The following SLC4A7 variants were observed in gnomAD, a reference collection of about 807,000 sequenced individuals.
SLC4A7 encodes solute carrier family 4 member 7, also known as sodium bicarbonate cotransporter 3.
A neutral mutation model predicts 137.6 loss-of-function variants in SLC4A7; 51 were observed. The observed-to-expected ratio is 0.37, with a 90% CI of 0.30 to 0.47. SLC4A7 has a LOEUF of 0.47. Ranked by LOEUF, SLC4A7 falls within the 20% of genes least tolerant of loss-of-function variation. The probability of loss-of-function intolerance (pLI) is 1.00; values close to 1 mark genes in which losing one functional copy is unlikely to be tolerated. For synonymous variants in SLC4A7, 542 were observed against 518.6 expected, an observed-to-expected ratio of 1.05 and a Z score of -0.61; for missense variants, 1,247 against 1,525.4, an observed-to-expected ratio of 0.82 and a Z score of 3.04.
intron 8 of SLC4A7, chr3:27,422,908 G>A (rs994567672): frequency 2.4e-6 from 1 of 414,922 alleles, no homozygotes; most frequent in Admixed American, 2.7e-5. Context: ...GACTGTGACA[G>A]AGGAACAAAA....
chr3:27,415,999 G>T (rs1012380341), intron 11 of SLC4A7, among the ~76,000 whole-genome samples: 5 of 152,172 alleles, frequency 3.3e-5, no homozygotes, highest in Non-Finnish European at 5.9e-5. Context: ...TACATACCAA[G>T]AATTCAACTT....
At chr3:27,402,056 A>C (rs1220388377) in intron 15 of SLC4A7, among the ~76,000 whole-genome samples, 1 of 152,216 alleles carries the variant, frequency 6.6e-6, no homozygotes, top group Non-Finnish European at 1.5e-5. Flanking sequence ...ACGAATGAAC[A>C]AAAGAGGGAA....
At chr3:27,391,534 T>C (rs1418029990) in intron 21 of SLC4A7, among the ~76,000 whole-genome samples, 1 of 152,208 alleles carries the variant, frequency 6.6e-6, no homozygotes, top group Non-Finnish European at 1.5e-5. Flanking sequence ...GTAAGGACCA[T>C]GTCAGCTCAT....
Position 27,448,672 on chromosome 3 carries a change from C to T in SLC4A7, c.268G>A (p.Gly90Arg). 1 of 1,612,080 alleles carries T rather than the reference C, an allele frequency of 6.2e-7. No homozygotes were observed. Among genetic ancestry groups the T allele is most frequent in the Non-Finnish European group, 8.5e-7 (1 of 1,179,030 alleles). Reference sequence around the variant, plus strand: ...TTACCATAAGAAGGAGATTCCCGTCCATCTTCTTTATCTGATTCTTTATCT... The same window carrying T: ...TTACCATAAGAAGGAGATTCCCGTCTATCTTCTTTATCTGATTCTTTATCT... ...RKDKESDKED[G>R]RESPSYDTPS... The change falls in exon 3 of 26, where the codon GGA (glycine) becomes AGA (arginine). Residue 90 changes from glycine (G) to arginine (R), a missense_variant. Transcript: ENST00000454389.
rs542726793 is a variant in SLC4A7, at chr3:27,438,603, CATAAA to C, written c.290-1082_290-1078del. On this transcript the variant is annotated intron_variant, in intron 3 of 25. Coordinates refer to ENST00000454389, the MANE Select transcript of SLC4A7 (RefSeq NM_001321103.2). ...AATAACATAAAATAAAATAACATAA[CATAAA>C]ATAAAATAACAAAATAACATAACAT... 2.9e-3 allele frequency among the ~76,000 whole-genome samples: 409 copies of C among 140,796 alleles called. 5 individuals are homozygous for C. Among genetic ancestry groups the C allele is most frequent in the Non-Finnish European group, 3.8e-3 (243 of 63,352 alleles). 92.4% of individuals were successfully genotyped at this position (140,796 alleles called of 152,430 possible). A position where few individuals can be genotyped will look rare whatever the true frequency, so the allele number is the denominator to read the frequency against.
At position 27,431,399 on chromosome 3, in the gene SLC4A7, T is replaced by C. The variant is rs1320380823; in HGVS notation, c.1049A>G (p.Asp350Gly). The change falls in exon 7 of 26, where the codon GAT becomes GGT. Residue 350 changes from aspartate to glycine, a missense_variant. Physicochemically the swap from Asp to Gly is moderately conservative, Grantham distance 94. Coordinates refer to ENST00000454389, the MANE Select transcript of SLC4A7 (RefSeq NM_001321103.2). ...APELLVSPAS[D>G]DIPTVVIHPP... ...ATGAATTACTACTGTGGGAATATCA[T>C]CACTGGCAGGTGAAACCAGTAGTTC... 2.5e-6 allele frequency: 4 copies of C among 1,614,096 alleles called. No homozygotes were observed. The highest frequency in any genetic ancestry group is 1.6e-4 in the Middle Eastern group (1 of 6,062).
chr3:27,391,444 A>G (rs1311596965), intron 21 of SLC4A7, among the ~76,000 whole-genome samples: 1 of 152,184 alleles, frequency 6.6e-6, no homozygotes, highest in African/African-American at 2.4e-5. Flanking sequence ...TTTTTTCAAT[A>G]CAATCCTTTT....
chr3:27,452,318 AAACTC>A (rs2058127980), intron 2 of SLC4A7, 94 bp downstream of exon 2: 1 of 762,552 alleles, frequency 1.3e-6, no homozygotes, highest in African/African-American at 1.8e-5. Context: ...AATAACAAAA[AAACTC>A]AACAAATACT....
At chr3:27,422,784 G>A (rs141927720) in intron 8 of SLC4A7, 6 of 455,646 alleles carry the variant, frequency 1.3e-5, no homozygotes, top group South Asian at 3.1e-5. Flanking sequence ...CACTTACAGC[G>A]GGCCTCTTGA....
intron 25 of SLC4A7, 69 bp from the exon 26 acceptor site, chr3:27,376,914 A>C: frequency 2.8e-6 from 2 of 726,980 alleles, no homozygotes; most frequent in Non-Finnish European, 4.2e-6. Flanking sequence ...CATGGCTAAC[A>C]ATGAGTATAC....
intron 11 of SLC4A7, among the ~76,000 whole-genome samples, chr3:27,417,007 T>C (rs768590670): frequency 1.8e-4 from 28 of 152,058 alleles, no homozygotes; most frequent in Non-Finnish European, 3.2e-4. Context: ...GAAAGATAAA[T>C]ATGCAAGATA....
At chr3:27,426,283 C>A (rs556206659) in intron 7 of SLC4A7, among the ~76,000 whole-genome samples, 1 of 152,292 alleles carries the variant, frequency 6.6e-6, no homozygotes, top group Admixed American at 6.5e-5. Flanking sequence ...AGCCTCAACT[C>A]ATTTCTTACA....
chr3:27,396,434 C>T (rs1443545293), intron 18 of SLC4A7, among the ~76,000 whole-genome samples: 1 of 151,994 alleles, frequency 6.6e-6, no homozygotes, highest in Non-Finnish European at 1.5e-5. Context: ...GAAATTACAT[C>T]ACGTTTTGAA....
chr3:27,422,701 C>A, intron 8 of SLC4A7: 1 of 430,316 alleles, frequency 2.3e-6, no homozygotes, highest in Non-Finnish European at 4.7e-6. Context: ...ATTATGTGAA[C>A]TTCATTTATA....
chr3:27,428,175 T>C (rs2055855778), intron 7 of SLC4A7: 1 of 153,728 alleles, frequency 6.5e-6, no homozygotes, highest in Non-Finnish European at 1.5e-5. Context: ...TCCTCTTTTA[T>C]GTTCAGTTAC....
At chr3:27,461,923 C>G (rs745744739) in intron 1 of SLC4A7, among the ~76,000 whole-genome samples, 3 of 152,022 alleles carry the variant, frequency 2.0e-5, no homozygotes, top group Non-Finnish European at 2.9e-5. Flanking sequence ...GATTGTACCA[C>G]TGCACTCCAG....
chr3:27,382,578 C>T (rs918847822), intron 24 of SLC4A7, among the ~76,000 whole-genome samples: 4 of 152,084 alleles, frequency 2.6e-5, no homozygotes, highest in Non-Finnish European at 2.9e-5. Context: ...ATCAAAATCA[C>T]GAATAATGAA....
At chr3:27,432,746 T>A (rs1280456627) in intron 6 of SLC4A7, among the ~76,000 whole-genome samples, 1 of 152,194 alleles carries the variant, frequency 6.6e-6, no homozygotes, top group African/African-American at 2.4e-5. Context: ...ACAGTCAATG[T>A]CTTCTGATGA....
chr3:27,398,133 A>C (rs1407723532), intron 17 of SLC4A7, 59 bp downstream of exon 17: 3 of 1,252,528 alleles, frequency 2.4e-6, no homozygotes, highest in Non-Finnish European at 3.4e-6. Flanking sequence ...AAATAAACCA[A>C]GGAAATAAAA....
Sources: gnomAD v4.1 joint callset for allele counts (sites outside exome capture counted in the v4.1 genomes callset) on GRCh38, gnomAD v4.1.1 for gene constraint, MANE v1.5 for transcripts, NCBI Gene and HGNC (gene_info 2026-07-23, HGNC 2026-07-21) for gene names.